The following DESI2 variants were observed in gnomAD, a reference collection of about 807,000 sequenced individuals.
DESI2 encodes the protein desumoylating isopeptidase 2.
In DESI2, 10 loss-of-function variants were observed where a neutral mutation model predicts 24.1. That is an observed-to-expected ratio of 0.41 (90% CI 0.26 to 0.70). The LOEUF (loss-of-function observed/expected upper bound fraction) is 0.70. Among genes scored for constraint, DESI2 ranks in the 30% least tolerant of loss-of-function variants. DESI2 has a pLI of 0.29. For missense variants in DESI2, 122 were observed against 234.9 expected (o/e 0.52, Z 3.14); for synonymous variants, 71 against 87.7 (o/e 0.81, Z 1.06).
intron 1 of DESI2, among the ~76,000 whole-genome samples, chr1:244,658,465 T>G (rs936783899): frequency 6.6e-6 from 1 of 152,182 alleles, no homozygotes; most frequent in African/African-American, 2.4e-5. Flanking sequence ...GAGACTTGAG[T>G]GAACTCCTAT....
chr1:244,664,221 T>C (rs563059292), intron 1 of DESI2, among the ~76,000 whole-genome samples: 1 of 152,270 alleles, frequency 6.6e-6, no homozygotes, highest in South Asian at 2.1e-4. Flanking sequence ...CAGGTTATGT[T>C]GAACAAACCT....
At chr1:244,673,019 G>T (rs1676299528) in intron 1 of DESI2, among the ~76,000 whole-genome samples, 1 of 152,024 alleles carries the variant, frequency 6.6e-6, no homozygotes, top group Non-Finnish European at 1.5e-5. Flanking sequence ...TTTTGTTTTG[G>T]TTTGGTTTTT....
intron 1 of DESI2, among the ~76,000 whole-genome samples, chr1:244,666,220 T>TA (rs1676040349): frequency 6.6e-6 from 1 of 152,164 alleles, no homozygotes; most frequent in African/African-American, 2.4e-5. Context: ...TTCTCATCCT[T>TA]CCACCACCAC....
At chr1:244,675,111 CT>C (rs964149107) in intron 1 of DESI2, among the ~76,000 whole-genome samples, 1 of 151,878 alleles carries the variant, frequency 6.6e-6, no homozygotes, top group African/African-American at 2.4e-5. Context: ...AGAAGAAATA[CT>C]TTTTTTTAGA....
At chr1:244,671,847 A>G (rs1189187505) in intron 1 of DESI2, among the ~76,000 whole-genome samples, 1 of 152,240 alleles carries the variant, frequency 6.6e-6, no homozygotes, top group Non-Finnish European at 1.5e-5. Flanking sequence ...ATTTTATGGT[A>G]TCCTACAAAA....
chr1:244,686,250 C>CCG (rs1553404508), intron 1 of DESI2, among the ~76,000 whole-genome samples: 1 of 150,510 alleles, frequency 6.6e-6, no homozygotes, highest in East Asian at 2.0e-4. Context: ...AAAGCACACT[C>CCG]TGTGTGTGTG....
rs1677382517 is a variant in DESI2, at chr1:244,699,998, G to C, written c.352-5558G>C. Among the ~76,000 whole-genome samples the C allele has an allele frequency of 4.6e-5, 7 of 152,330 alleles. No individual in the cohort carries two copies. The South Asian group carries it at 1.4e-3, about 32-fold the overall frequency. On this transcript the variant is annotated intron_variant, in intron 4 of 4. Coordinates refer to ENST00000302550, the MANE Select transcript of DESI2 (RefSeq NM_016076.5). ...TCCACAGTCGTGAGGCTGATAACCT[G>C]ATGTCATGGACCAACATGGAACTGA...
chr1:244,686,696 C>T, intron 2 of DESI2, 27 bp downstream of exon 2: 1 of 1,453,750 alleles, frequency 6.9e-7, no homozygotes, highest in Non-Finnish European at 9.6e-7. Flanking sequence ...TCTAAATATA[C>T]TCTCTGAAGA....
intron 1 of DESI2, among the ~76,000 whole-genome samples, chr1:244,659,912 C>T (rs936985936): frequency 6.6e-6 from 1 of 152,168 alleles, no homozygotes; most frequent in Non-Finnish European, 1.5e-5. Context: ...GACCTAGTAA[C>T]TTAAGCTGGA....
chr1:244,665,636 A>G (rs1320914105), intron 1 of DESI2, among the ~76,000 whole-genome samples: 1 of 152,226 alleles, frequency 6.6e-6, no homozygotes, highest in Non-Finnish European at 1.5e-5. Flanking sequence ...ACAATTTTAT[A>G]GATTTTGAGT....
chr1:244,660,821 A>G (rs1011716325), intron 1 of DESI2, among the ~76,000 whole-genome samples: 8 of 152,206 alleles, frequency 5.3e-5, no homozygotes, highest in African/African-American at 1.9e-4. Context: ...TCATAATACT[A>G]AATTCTTACC....
chr1:244,672,160 T>A (rs1202567551), intron 1 of DESI2, among the ~76,000 whole-genome samples: 2 of 151,990 alleles, frequency 1.3e-5, no homozygotes, highest in African/African-American at 4.8e-5. Context: ...ATAGCAAGAC[T>A]CCATCTCTTA....
At chr1:244,680,313 C>T (rs1223908267) in intron 1 of DESI2, among the ~76,000 whole-genome samples, 1 of 152,058 alleles carries the variant, frequency 6.6e-6, no homozygotes, top group East Asian at 1.9e-4. Flanking sequence ...GTGGCATGTG[C>T]CTGGAGTCCC....
chr1:244,686,250 CTGTG>C (rs767500032), intron 1 of DESI2, among the ~76,000 whole-genome samples: 6 of 150,396 alleles, frequency 4.0e-5, no homozygotes, highest in African/African-American at 7.4e-5. Flanking sequence ...AAAGCACACT[CTGTG>C]TGTGTGTGTG....
chr1:244,695,387 C>T (rs1677175427), intron 4 of DESI2, among the ~76,000 whole-genome samples: 1 of 152,244 alleles, frequency 6.6e-6, no homozygotes. Context: ...GGCATGGTGG[C>T]TCACACCTGT....
chr1:244,675,047 T>C (rs753806962), intron 1 of DESI2, among the ~76,000 whole-genome samples: 8 of 152,232 alleles, frequency 5.3e-5, no homozygotes, highest in Non-Finnish European at 1.2e-4. Context: ...ATTATAGTCA[T>C]CTGAGTAGGT....
At chr1:244,686,575 C>CT in intron 1 of DESI2, 22 bp from the exon 2 acceptor site, 1 of 1,524,918 alleles carries the variant, frequency 6.6e-7, no homozygotes, top group Non-Finnish European at 9.1e-7. Context: ...TATTCTGAAT[C>CT]TTTTCTTTCT....
At chr1:244,686,798 C>A in intron 2 of DESI2, 129 bp downstream of exon 2, 1 of 576,850 alleles carries the variant, frequency 1.7e-6, no homozygotes, top group Non-Finnish European at 3.0e-6. Flanking sequence ...AGAAGAAAAT[C>A]TCCCCATATT....
intron 4 of DESI2, among the ~76,000 whole-genome samples, chr1:244,698,704 C>T (rs920741999): frequency 7.9e-5 from 12 of 152,154 alleles, no homozygotes; most frequent in African/African-American, 1.2e-4. Context: ...TCAGGGAAGA[C>T]GACTTCTATT....
Sources: allele counts gnomAD v4.1 joint callset (sites outside exome capture counted in the v4.1 genomes callset), GRCh38; gene constraint gnomAD v4.1.1; transcripts MANE v1.5; gene names NCBI Gene and HGNC (gene_info 2026-07-23, HGNC 2026-07-21).